The following RARB variants were observed in gnomAD, a reference collection of about 807,000 sequenced individuals.
The protein encoded by RARB is retinoic acid receptor beta.
A neutral mutation model predicts 51.9 loss-of-function variants in RARB; 17 were observed. The observed-to-expected ratio is 0.33, with a 90% CI of 0.22 to 0.49. The LOEUF (loss-of-function observed/expected upper bound fraction) is 0.49. Among genes scored for constraint, RARB ranks in the 20% least tolerant of loss-of-function variants. The probability of loss-of-function intolerance (pLI) is 0.99; values close to 1 mark genes in which losing one functional copy is unlikely to be tolerated. For synonymous variants in RARB, 215 were observed against 195.4 expected (o/e 1.10, Z -0.84); for missense variants, 369 against 550.8 (o/e 0.67, Z 3.30).
chr3:25,207,400 T>C (rs1701577646), intron 5 of RARB, among the ~76,000 whole-genome samples: 2 of 152,222 alleles, frequency 1.3e-5, no homozygotes, highest in African/African-American at 4.8e-5. Flanking sequence ...CACAGCTTGT[T>C]TGGGACATGT....
intron 3 of RARB, among the ~76,000 whole-genome samples, chr3:25,086,668 C>T (rs1267893916): frequency 6.6e-6 from 1 of 151,934 alleles, no homozygotes; most frequent in Admixed American, 6.6e-5. Context: ...TTGGTTCGGT[C>T]TGAAAAGGTG....
intron 5 of RARB, among the ~76,000 whole-genome samples, chr3:25,190,051 T>TATTCCTCAGTTTGGGTCAATG (rs1701062239): frequency 6.6e-6 from 1 of 151,894 alleles, no homozygotes; most frequent in Non-Finnish European, 1.5e-5. Flanking sequence ...TAAGCCCAAT[T>TATTCCTCAGTTTGGGTCAATG]TATTCCTCAG....
In RARB at chr3:25,597,684, T is replaced by TTCAA. The variant is rs368368463; in HGVS notation, c.*1072_*1075dup. On this transcript the variant is annotated 3_prime_UTR_variant, in exon 8 of 8. Transcript: ENST00000330688. Reference sequence around the variant, plus strand: ...ATAGAATCTGCCTCCTTTGACCTTGTTCAATCACTATGAAGCAGAGTGAAA... The same window carrying TTCAA: ...ATAGAATCTGCCTCCTTTGACCTTGTTCAATCAATCACTATGAAGCAGAGTGAAA... 16 of 152,736 alleles carry TTCAA rather than the reference T, an allele frequency of 1.0e-4. No individual in the cohort carries two copies. Among genetic ancestry groups the TTCAA allele is most frequent in the African/African-American group, 3.4e-4 (14 of 41,568 alleles). The allele number at this position is 152,736 out of a possible 1,614,324, so 9.5% of individuals were successfully genotyped here. A position where few individuals can be genotyped will look rare whatever the true frequency, so the allele number is the denominator to read the frequency against.
rs140723306 is a variant in RARB at position 25,593,752 on chromosome 3, G to A, written c.991+45G>A. 3.2e-3 allele frequency: 4,931 copies of A among 1,551,802 alleles called. 17 individuals carry two copies. Among genetic ancestry groups the A allele is most frequent in the Admixed American group, 4.4e-3 (248 of 55,928 alleles). ...GCCTCATGAAATTCCATGAAGAACA[G>A]TTTATACTTGTAATTTGTGAAAAAT... On this transcript the variant is annotated intron_variant, in intron 6 of 7. Transcript: ENST00000330688.
chr3:25,122,180 G>C (rs1699794724), intron 3 of RARB, among the ~76,000 whole-genome samples: 1 of 152,056 alleles, frequency 6.6e-6, no homozygotes. Context: ...CTGTTTTTCA[G>C]CAATTGTTGT....
At chr3:24,906,624 C>T (rs1694869448) in intron 2 of RARB, among the ~76,000 whole-genome samples, 1 of 152,096 alleles carries the variant, frequency 6.6e-6, no homozygotes, top group Admixed American at 6.5e-5. Flanking sequence ...GGGCAGATCA[C>T]CTGAGGTCAG....
intron 2 of RARB, among the ~76,000 whole-genome samples, chr3:24,876,574 T>C (rs915743879): frequency 3.3e-5 from 5 of 152,152 alleles, no homozygotes; most frequent in Non-Finnish European, 7.4e-5. Context: ...ATTTTAGCTT[T>C]TTAACCCATA....
At chr3:25,119,521 A>G (rs1699744621) in intron 3 of RARB, among the ~76,000 whole-genome samples, 1 of 152,090 alleles carries the variant, frequency 6.6e-6, no homozygotes, top group Non-Finnish European at 1.5e-5. Flanking sequence ...ATTGGCTGCT[A>G]TTATGGGTCT....
Position 25,393,705 on chromosome 3 carries a change from G to A in RARB, c.179-67488G>A, listed in dbSNP as rs540080562. Among the ~76,000 whole-genome samples, 22 of 152,114 alleles carry A rather than the reference G, an allele frequency of 1.4e-4. No homozygotes were observed. In the South Asian group the frequency reaches 4.6e-3, roughly 32 times the overall value. On this transcript the variant is annotated intron_variant, in intron 5 of 11. Transcript: ENST00000383772. ...TGTTCTAGTTTGTGCACGTGAAGGT[G>A]TTCATAGTAGCCTTGAATGATCTTT...
At chr3:24,981,761 T>A (rs1007277317) in intron 2 of RARB, among the ~76,000 whole-genome samples, 1 of 152,196 alleles carries the variant, frequency 6.6e-6, no homozygotes, top group African/African-American at 2.4e-5. Context: ...GATTCCCTGT[T>A]CTGCTTCAGC....
At chr3:25,003,766 AGG>A (rs2125276303) in intron 2 of RARB, among the ~76,000 whole-genome samples, 2 of 152,250 alleles carry the variant, frequency 1.3e-5, no homozygotes, top group South Asian at 4.1e-4. Flanking sequence ...ACTTGCCTGG[AGG>A]TGATATGAAC....
chr3:25,342,732 C>G (rs1225713067), intron 5 of RARB, among the ~76,000 whole-genome samples: 2 of 152,204 alleles, frequency 1.3e-5, no homozygotes, highest in Admixed American at 6.5e-5. Flanking sequence ...ATACATTTTT[C>G]TGCCTTGGTA....
chr3:25,482,369 A>C (rs746469991), intron 2 of RARB, among the ~76,000 whole-genome samples: 1 of 152,102 alleles, frequency 6.6e-6, no homozygotes, highest in South Asian at 2.1e-4. Context: ...GCCTTTGAAA[A>C]ATAATCATTT....
At chr3:24,995,565 T>G (rs1697003434) in intron 2 of RARB, among the ~76,000 whole-genome samples, 1 of 152,064 alleles carries the variant, frequency 6.6e-6, no homozygotes, top group Admixed American at 6.6e-5. Flanking sequence ...AGGAAAATCT[T>G]TCAGCTTTTC....
chr3:25,324,532 T>C (rs889919812), intron 5 of RARB: 2 of 160,424 alleles, frequency 1.2e-5, no homozygotes, highest in Non-Finnish European at 2.9e-5. Context: ...AAGGACACTA[T>C]CAAGAAGAAG....
intron 3 of RARB, among the ~76,000 whole-genome samples, chr3:25,131,013 A>G (rs573937783): frequency 3.2e-4 from 44 of 138,710 alleles, no homozygotes; most frequent in Middle Eastern, 3.6e-3. Flanking sequence ...ATTATTTATC[A>G]ATGAAATTAT....
At chr3:25,149,896 A>ATT (rs111231805) in intron 4 of RARB, among the ~76,000 whole-genome samples, 1 of 151,000 alleles carries the variant, frequency 6.6e-6, no homozygotes, top group African/African-American at 2.4e-5. Context: ...GCAGCAGAAC[A>ATT]TTTTTTTTTA....
intron 3 of RARB, among the ~76,000 whole-genome samples, chr3:25,125,555 C>A (rs1253030614): frequency 3.3e-5 from 5 of 152,082 alleles, no homozygotes; most frequent in African/African-American, 7.2e-5. Flanking sequence ...GAGGAGGAGG[C>A]ATTTAAACAG....
At chr3:25,213,585 A>C (rs1469725731) in intron 5 of RARB, among the ~76,000 whole-genome samples, 1 of 152,192 alleles carries the variant, frequency 6.6e-6, no homozygotes, top group African/African-American at 2.4e-5. Flanking sequence ...CTAGAAGTGA[A>C]ATTGCTGAGT....
Sources: gnomAD v4.1 joint callset for allele counts (sites outside exome capture counted in the v4.1 genomes callset) on GRCh38, gnomAD v4.1.1 for gene constraint, MANE v1.5 for transcripts, NCBI Gene and HGNC (gene_info 2026-07-23, HGNC 2026-07-21) for gene names.